Variants in GALNT13 observed in about 807,000 individuals in gnomAD.
The protein encoded by GALNT13 is UDP-GalNAc:polypeptide N-acetylgalactosaminyltransferase 13.
In GALNT13, 28 loss-of-function variants were observed where a neutral mutation model predicts 64.2. That is an observed-to-expected ratio of 0.44 (90% CI 0.32 to 0.60). The LOEUF (loss-of-function observed/expected upper bound fraction) is 0.60. GALNT13 is among the 20% of genes least tolerant of loss of function. The pLI, the probability that GALNT13 is intolerant of heterozygous loss-of-function variation, is 0.05. For missense variants in GALNT13, 577 were observed against 669.8 expected (o/e 0.86, Z 1.53); for synonymous variants, 214 against 224.6 (o/e 0.95, Z 0.42).
At chr2:153,714,652 CAAAGT>C in the GALNT13 span, among the ~76,000 whole-genome samples, 1 of 152,126 alleles carries the variant, frequency 6.6e-6, no homozygotes. Flanking sequence ...GTTAAAAACA[CAAAGT>C]ACTCAATGTA....
intron 4 of GALNT13, among the ~76,000 whole-genome samples, chr2:154,225,879 C>T (rs1459226217): frequency 6.6e-6 from 1 of 152,066 alleles, no homozygotes; most frequent in Non-Finnish European, 1.5e-5. Context: ...ATTTTTACCT[C>T]TCTGTGCAAC....
At chr2:154,093,117 A>C (rs1168419345) in intron 3 of GALNT13, among the ~76,000 whole-genome samples, 1 of 152,042 alleles carries the variant, frequency 6.6e-6, no homozygotes, top group Admixed American at 6.6e-5. Context: ...TCTCAATAGA[A>C]TCTCAATTGT....
the GALNT13 span, among the ~76,000 whole-genome samples, chr2:153,212,005 G>GA: frequency 6.6e-6 from 1 of 151,834 alleles, no homozygotes; most frequent in East Asian, 1.9e-4. Flanking sequence ...GTGATGCTTA[G>GA]AAAAAAAAGC....
chr2:153,896,796 G>A (rs1324967129), intron 1 of GALNT13, among the ~76,000 whole-genome samples: 2 of 151,958 alleles, frequency 1.3e-5, no homozygotes, highest in South Asian at 2.1e-4. Context: ...ATACTTTCTC[G>A]ATATATGTTT....
chr2:154,355,144 C>T (rs915444548), intron 9 of GALNT13, among the ~76,000 whole-genome samples: 22 of 152,208 alleles, frequency 1.4e-4, no homozygotes, highest in Admixed American at 1.2e-3. Context: ...TCCCCACGCC[C>T]AGCCACATGT....
the GALNT13 span, among the ~76,000 whole-genome samples, chr2:153,398,727 A>C: frequency 3.5e-4 from 52 of 149,950 alleles, no homozygotes; most frequent in East Asian, 9.2e-3. Context: ...TCTTCTTTTG[A>C]GAAGTGTCTG....
the GALNT13 span, among the ~76,000 whole-genome samples, chr2:153,724,598 C>G: frequency 3.5e-5 from 4 of 114,166 alleles, no homozygotes; most frequent in Non-Finnish European, 6.8e-5. Context: ...TGAACTCAAA[C>G]AAATTTACAA....
the GALNT13 span, among the ~76,000 whole-genome samples, chr2:153,493,853 G>C: frequency 2.2e-4 from 34 of 151,960 alleles, no homozygotes; most frequent in South Asian, 6.6e-3. Context: ...AAAAATCATA[G>C]TAGTTTGTTG....
chr2:154,397,393 C>G (rs1268777737), intron 10 of GALNT13, among the ~76,000 whole-genome samples: 2 of 152,078 alleles, frequency 1.3e-5, no homozygotes, highest in Non-Finnish European at 2.9e-5. Flanking sequence ...GAGCCGAGAT[C>G]GCGCCATTGC....
At chr2:154,275,474 G>A (rs1455270822) in intron 8 of GALNT13, among the ~76,000 whole-genome samples, 6 of 152,236 alleles carry the variant, frequency 3.9e-5, no homozygotes, top group Non-Finnish European at 8.8e-5. Flanking sequence ...GTTTTAGGGG[G>A]TGCAAGCCCC....
At chr2:153,488,400 C>G in the GALNT13 span, among the ~76,000 whole-genome samples, 1 of 152,292 alleles carries the variant, frequency 6.6e-6, no homozygotes, top group African/African-American at 2.4e-5. Flanking sequence ...CCTCAGCCAC[C>G]TAGAGCTATA....
intron 4 of GALNT13, among the ~76,000 whole-genome samples, chr2:154,166,852 T>C (rs1199918098): frequency 6.6e-6 from 1 of 152,038 alleles, no homozygotes; most frequent in Non-Finnish European, 1.5e-5. Context: ...CTGGAAACCA[T>C]CATTCTGAGC....
At chr2:153,914,694 G>A (rs1422457071) in intron 2 of GALNT13, among the ~76,000 whole-genome samples, 3 of 151,760 alleles carry the variant, frequency 2.0e-5, no homozygotes, top group African/African-American at 4.8e-5. Context: ...TTTCTTATCC[G>A]ATGATTTATA....
chr2:154,144,605 G>A (rs565870459), intron 4 of GALNT13, among the ~76,000 whole-genome samples: 86 of 152,120 alleles, frequency 5.7e-4, no homozygotes, highest in Middle Eastern at 3.4e-3. Context: ...ATTTTACTGC[G>A]TTATACCTTT....
chr2:153,980,590 TTGCA>T (rs1173756735), intron 3 of GALNT13, among the ~76,000 whole-genome samples: 7 of 152,006 alleles, frequency 4.6e-5, no homozygotes. Context: ...CTTGGATAGG[TTGCA>T]CTTGATGTTC....
chr2:153,910,615 A>G (rs2105314518), intron 2 of GALNT13, among the ~76,000 whole-genome samples: 1 of 152,272 alleles, frequency 6.6e-6, no homozygotes, highest in East Asian at 1.9e-4. Context: ...TCTGTGTCCC[A>G]GAGATCCTAG....
chr2:154,263,890 G>T (rs986150266), intron 8 of GALNT13, among the ~76,000 whole-genome samples: 2 of 152,126 alleles, frequency 1.3e-5, no homozygotes, highest in African/African-American at 4.8e-5. Flanking sequence ...ACACTTTCAA[G>T]ACATTGAACA....
the GALNT13 span, among the ~76,000 whole-genome samples, chr2:153,101,031 G>A: frequency 2.6e-5 from 4 of 151,984 alleles, no homozygotes; most frequent in African/African-American, 9.7e-5. Context: ...GACAGAGTGA[G>A]ACTCTGTCTC....
chr2:154,298,694 C>CAA (rs1693190369), intron 8 of GALNT13, among the ~76,000 whole-genome samples: 1 of 7,434 alleles, frequency 1.3e-4, no homozygotes, highest in African/African-American at 3.9e-4. Flanking sequence ...TTTATATATA[C>CAA]ATTGTATATA....
Sources: allele counts gnomAD v4.1 joint callset (sites outside exome capture counted in the v4.1 genomes callset), GRCh38; gene constraint gnomAD v4.1.1; transcripts MANE v1.5; gene names NCBI Gene and HGNC (gene_info 2026-07-23, HGNC 2026-07-21).